CDH9: variants seen among roughly 807,000 people sequenced by gnomAD.
CDH9 encodes cadherin 9, also known as cadherin-9.
CDH9 carries 28 observed loss-of-function variants against 70.9 expected under a neutral mutation model. The observed-to-expected ratio is 0.40, with a 90% CI of 0.29 to 0.54. The LOEUF (loss-of-function observed/expected upper bound fraction) is 0.54, where lower values mean the gene tolerates loss of function less well. Among genes scored for constraint, CDH9 ranks in the 20% least tolerant of loss-of-function variants. The pLI is 0.59. For synonymous variants in CDH9, 409 were observed against 343.1 expected, an observed-to-expected ratio of 1.19 and a Z score of -2.12; for missense variants, 874 against 984.4, an observed-to-expected ratio of 0.89 and a Z score of 1.50.
chr5:27,017,259 T>C (rs1743061763), intron 1 of CDH9, among the ~76,000 whole-genome samples: 1 of 152,010 alleles, frequency 6.6e-6, no homozygotes, highest in Non-Finnish European at 1.5e-5. Context: ...GAAAGACTCA[T>C]TCTTATTTTT....
chr5:27,013,364 CT>C (rs1420613163), intron 1 of CDH9, among the ~76,000 whole-genome samples: 17 of 151,930 alleles, frequency 1.1e-4, no homozygotes, highest in Admixed American at 9.9e-4. Context: ...CCATGAATTG[CT>C]GTCTGCTAAA....
chr5:26,944,671 T>TAAAA (rs1275359539), intron 2 of CDH9, among the ~76,000 whole-genome samples: 57 of 152,124 alleles, frequency 3.7e-4, no homozygotes, highest in African/African-American at 1.4e-3. Flanking sequence ...GATAAATAAA[T>TAAAA]AAAACAAAAT....
At chr5:26,922,026 CAAA>C (rs3071199) in intron 2 of CDH9, among the ~76,000 whole-genome samples, 79 of 125,384 alleles carry the variant, frequency 6.3e-4, no homozygotes, top group Middle Eastern at 8.1e-3. Flanking sequence ...CAAAATAGTC[CAAA>C]AAAAAAAAAA....
chr5:26,891,333 ATTAT>A (rs1220520428), intron 7 of CDH9, among the ~76,000 whole-genome samples: 1 of 152,224 alleles, frequency 6.6e-6, no homozygotes, highest in African/African-American at 2.4e-5. Context: ...GAAACAGGGA[ATTAT>A]CCCTGATTAT....
At chr5:27,021,854 A>G (rs906542370) in intron 1 of CDH9, among the ~76,000 whole-genome samples, 4 of 152,006 alleles carry the variant, frequency 2.6e-5, no homozygotes, top group Admixed American at 2.6e-4. Flanking sequence ...AACATCAGGA[A>G]GAAATCTCTA....
intron 11 of CDH9, among the ~76,000 whole-genome samples, chr5:26,883,051 A>G (rs1288732066): frequency 1.4e-5 from 1 of 70,798 alleles, no homozygotes; most frequent in Non-Finnish European, 3.1e-5. Flanking sequence ...TTATATATAT[A>G]TATATATATA....
At chr5:26,891,829 A>G (rs6870642) in intron 7 of CDH9, among the ~76,000 whole-genome samples, 19,137 of 152,208 alleles carry the variant, frequency 0.13, 1,358 homozygotes, top group Middle Eastern at 0.33. Context: ...TGGAGCCACA[A>G]ACCAATAAAA....
chr5:26,960,598 A>G (rs1742017464), intron 2 of CDH9, among the ~76,000 whole-genome samples: 1 of 151,976 alleles, frequency 6.6e-6, no homozygotes, highest in Admixed American at 6.6e-5. Context: ...CTTTCATTTA[A>G]GTCATTTAGG....
chr5:27,021,320 C>G (rs761357075), intron 1 of CDH9, among the ~76,000 whole-genome samples: 9 of 151,694 alleles, frequency 5.9e-5, no homozygotes, highest in Non-Finnish European at 8.8e-5. Context: ...ATAGTCAGCA[C>G]TTATGATCTA....
At chr5:26,998,311 A>G (rs535788645) in intron 1 of CDH9, among the ~76,000 whole-genome samples, 9 of 152,270 alleles carry the variant, frequency 5.9e-5, no homozygotes, top group African/African-American at 2.2e-4. Context: ...TCACAATAGC[A>G]AAGACTTGGA....
chr5:26,906,909 A>T (rs1740958735), intron 3 of CDH9, 71 bp from the exon 4 acceptor site: 1 of 1,477,286 alleles, frequency 6.8e-7, no homozygotes, highest in Non-Finnish European at 9.1e-7. Context: ...TTTCTTAAAA[A>T]TATGTTGCTC....
chr5:26,957,002 C>CTTT (rs5866813), intron 2 of CDH9, among the ~76,000 whole-genome samples: 4 of 138,916 alleles, frequency 2.9e-5, no homozygotes, highest in South Asian at 2.3e-4. Flanking sequence ...TTTCCATGTG[C>CTTT]TTTTTTTTTT....
chr5:27,020,747 C>CACTA (rs562039027), intron 1 of CDH9, among the ~76,000 whole-genome samples: 2 of 137,764 alleles, frequency 1.5e-5, no homozygotes, highest in Non-Finnish European at 3.2e-5. Flanking sequence ...CACACACACA[C>CACTA]TATATATATA....
At chr5:26,991,684 A>C (rs1742581556) in intron 1 of CDH9, among the ~76,000 whole-genome samples, 1 of 152,200 alleles carries the variant, frequency 6.6e-6, no homozygotes, top group Admixed American at 6.5e-5. Context: ...GATATTTACA[A>C]GAGTAGATAA....
chr5:26,964,524 T>C (rs1379389876), intron 2 of CDH9, among the ~76,000 whole-genome samples: 1 of 152,194 alleles, frequency 6.6e-6, no homozygotes, highest in Non-Finnish European at 1.5e-5. Flanking sequence ...CCAACCTATA[T>C]GCAGTTTGTA....
intron 11 of CDH9, among the ~76,000 whole-genome samples, chr5:26,883,734 TA>T (rs1740513639): frequency 6.6e-6 from 1 of 152,098 alleles, no homozygotes; most frequent in African/African-American, 2.4e-5. Context: ...TTTACTCTAA[TA>T]AATTTAAATC....
chr5:26,961,956 C>T (rs1280966056), intron 2 of CDH9, among the ~76,000 whole-genome samples: 1 of 152,116 alleles, frequency 6.6e-6, no homozygotes, highest in Non-Finnish European at 1.5e-5. Flanking sequence ...AGGTATTTCT[C>T]CTAATGCTAT....
At chr5:26,992,953 T>C (rs1305044493) in intron 1 of CDH9, among the ~76,000 whole-genome samples, 1 of 151,834 alleles carries the variant, frequency 6.6e-6, no homozygotes, top group East Asian at 1.9e-4. Flanking sequence ...AAAATTAGTC[T>C]GGTGTAGTGG....
chr5:27,009,767 C>T (rs1331117476), intron 1 of CDH9, among the ~76,000 whole-genome samples: 2 of 152,092 alleles, frequency 1.3e-5, no homozygotes, highest in South Asian at 2.1e-4. Flanking sequence ...CTCTTAAAAA[C>T]GAAATGCCTT....
Sources: gnomAD v4.1 joint callset for allele counts (sites outside exome capture counted in the v4.1 genomes callset) on GRCh38, gnomAD v4.1.1 for gene constraint, MANE v1.5 for transcripts, NCBI Gene and HGNC (gene_info 2026-07-23, HGNC 2026-07-21) for gene names.